ANO4: variants seen among roughly 807,000 people sequenced by gnomAD.
The protein encoded by ANO4 is anoctamin-4.
In ANO4, 69 loss-of-function variants were observed where a neutral mutation model predicts 141.9. That is an observed-to-expected ratio of 0.49 (90% CI 0.40 to 0.59). ANO4 has a LOEUF of 0.59. Ranked by LOEUF, ANO4 falls within the 20% of genes least tolerant of loss-of-function variation. The pLI, the probability that ANO4 is intolerant of heterozygous loss-of-function variation, is 0.00. For missense variants in ANO4, 894 were observed against 1,162.2 expected, an observed-to-expected ratio of 0.77 and a Z score of 3.36; for synonymous variants, 350 against 394.3, an observed-to-expected ratio of 0.89 and a Z score of 1.33.
intron 1 of ANO4, among the ~76,000 whole-genome samples, chr12:100,726,590 G>A (rs569354912): frequency 1.1e-4 from 17 of 152,322 alleles, no homozygotes; most frequent in African/African-American, 4.1e-4. Flanking sequence ...TGATTTAGTA[G>A]CTTCGGGGGA....
intron 3 of ANO4, among the ~76,000 whole-genome samples, chr12:100,930,978 T>A (rs562372761): frequency 6.1e-4 from 93 of 152,298 alleles, no homozygotes; most frequent in Non-Finnish European, 1.2e-3. Context: ...TGAAAACTGC[T>A]GGCCTATTAG....
At chr12:100,901,190 C>A (rs1473663944) in intron 1 of ANO4, among the ~76,000 whole-genome samples, 1 of 152,120 alleles carries the variant, frequency 6.6e-6, no homozygotes, top group Non-Finnish European at 1.5e-5. Context: ...TTATACTATT[C>A]ATTTTGCTTT....
At chr12:100,954,080 C>A (rs11831528) in intron 5 of ANO4, among the ~76,000 whole-genome samples, 13,794 of 152,214 alleles carry the variant, frequency 0.091, 770 homozygotes, top group East Asian at 0.3. Flanking sequence ...GGTGCTACCT[C>A]TTCACTTTTG....
intron 14 of ANO4, among the ~76,000 whole-genome samples, chr12:101,050,070 A>C (rs2136667021): frequency 6.6e-6 from 1 of 152,336 alleles, no homozygotes; most frequent in East Asian, 1.9e-4. Context: ...ATTGGGTAGA[A>C]GTAGGGACCA....
intron 8 of ANO4, among the ~76,000 whole-genome samples, chr12:100,989,607 CTGGATGGATGGATAGATGGA>C (rs371230413): frequency 0.24 from 27,589 of 116,316 alleles, 2,853 homozygotes; most frequent in Middle Eastern, 0.33. Flanking sequence ...GGATAGGTCA[CTGGATGGATGGATAGATGGA>C]TGGATGGATG....
At chr12:100,757,957 T>G (rs77963326) in intron 3 of ANO4, among the ~76,000 whole-genome samples, 7,309 of 152,276 alleles carry the variant, frequency 0.048, 506 homozygotes, top group African/African-American at 0.15. Flanking sequence ...CTTCAAGGAC[T>G]GTGGATTTTA....
At chr12:100,825,881 G>T (rs969556676) in intron 1 of ANO4, among the ~76,000 whole-genome samples, 2 of 151,988 alleles carry the variant, frequency 1.3e-5, no homozygotes, top group Non-Finnish European at 2.9e-5. Flanking sequence ...GGATTTAAGT[G>T]TTATTATGTA....
intron 2 of ANO4, among the ~76,000 whole-genome samples, chr12:100,908,126 G>A (rs1206020606): frequency 2.6e-5 from 4 of 152,152 alleles, no homozygotes; most frequent in African/African-American, 7.2e-5. Context: ...TTGGGAGGCC[G>A]AGGCGGGTGG....
At chr12:100,789,879 T>C (rs933416011), upstream of ANO4, among the ~76,000 whole-genome samples, 2 of 152,216 alleles carry the variant, frequency 1.3e-5, no homozygotes, top group African/African-American at 2.4e-5. Context: ...AGGGTCCCAC[T>C]TAAATAGGTT....
At chr12:101,071,194 A>C (rs2048794791) in intron 14 of ANO4, among the ~76,000 whole-genome samples, 1 of 152,170 alleles carries the variant, frequency 6.6e-6, no homozygotes, top group African/African-American at 2.4e-5. Flanking sequence ...GGAAATCAAT[A>C]TATTGAAGAG....
intron 8 of ANO4, among the ~76,000 whole-genome samples, chr12:100,994,088 A>G (rs140703153): frequency 1.0e-3 from 157 of 152,286 alleles, no homozygotes; most frequent in African/African-American, 3.5e-3. Flanking sequence ...TAGTTGTAAG[A>G]GAATCAAAAA....
At chr12:101,120,392 C>A in intron 25 of ANO4, 128 bp from the exon 26 acceptor site, 1 of 727,390 alleles carries the variant, frequency 1.4e-6, no homozygotes. Context: ...AGCAAAACAA[C>A]AGATATCTAG....
At chr12:100,969,243 G>T (rs547195383) in intron 5 of ANO4, among the ~76,000 whole-genome samples, 2 of 152,318 alleles carry the variant, frequency 1.3e-5, no homozygotes, top group East Asian at 3.9e-4. Context: ...AGGCCCAAAA[G>T]ATCCAACTAT....
At chr12:101,039,255 A>T (rs1310541753) in intron 10 of ANO4, among the ~76,000 whole-genome samples, 1 of 152,212 alleles carries the variant, frequency 6.6e-6, no homozygotes, top group Non-Finnish European at 1.5e-5. Context: ...CTGTAATCCC[A>T]GCACATTGGG....
chr12:101,085,990 A>G (rs1449797781), intron 16 of ANO4, among the ~76,000 whole-genome samples: 2 of 152,144 alleles, frequency 1.3e-5, no homozygotes, highest in African/African-American at 2.4e-5. Context: ...ACAACACGAA[A>G]AACAAATAGT....
chr12:100,973,329 C>A (rs2044011460), intron 6 of ANO4, among the ~76,000 whole-genome samples: 1 of 152,188 alleles, frequency 6.6e-6, no homozygotes, highest in African/African-American at 2.4e-5. Context: ...GTACAAACAT[C>A]ATTTTAGCTG....
At chr12:100,827,152 T>A (rs781583050) in intron 1 of ANO4, among the ~76,000 whole-genome samples, 87 of 152,164 alleles carry the variant, frequency 5.7e-4, no homozygotes, top group Middle Eastern at 6.8e-3. Flanking sequence ...AAAGACAAAG[T>A]CCTTATAATG....
At chr12:100,853,276 G>A (rs892872179) in intron 1 of ANO4, among the ~76,000 whole-genome samples, 1 of 151,956 alleles carries the variant, frequency 6.6e-6, no homozygotes, top group Non-Finnish European at 1.5e-5. Context: ...AATTTATTTT[G>A]TGAACAGAAG....
Position 101,097,688 on chromosome 12 carries a change from A to G in ANO4, c.1888A>G (p.Asn630Asp). ...GHPGAYLRLINRWRLEECHPS... is the reference protein window; with the variant it reads ...GHPGAYLRLIDRWRLEECHPS... ...CCCAGGTGCCTACTTGAGGCTGATA[A>G]ACAGGTGGAGACTAGAAGAGGTCTG... is the stretch of plus-strand genomic sequence containing the variant. The change falls in exon 20 of 28, where the codon AAC (asparagine) becomes GAC (aspartate). Residue 630 changes from asparagine (N) to aspartate (D), a missense_variant. Asn to Asp is a conservative substitution (Grantham distance 23). This residue lies in a region of ANO4 where 637 missense variants were observed against 909.2 expected (regional missense o/e 0.70). Transcript: ENST00000392977. 1 of 1,613,858 alleles carries G rather than the reference A, an allele frequency of 6.2e-7. No homozygotes were observed. Among genetic ancestry groups the G allele is most frequent in the Non-Finnish European group, 8.5e-7 (1 of 1,179,802 alleles).
Sources: allele counts gnomAD v4.1 joint callset (sites outside exome capture counted in the v4.1 genomes callset), GRCh38; gene constraint gnomAD v4.1.1; regional missense constraint gnomAD v4.1.1; transcripts MANE v1.5; gene names NCBI Gene and HGNC (gene_info 2026-07-23, HGNC 2026-07-21).